The following KATNBL1 variants were observed in gnomAD, a reference collection of about 807,000 sequenced individuals.
KATNBL1 encodes KATNB1-like protein 1.
Under a neutral mutation model 44.7 loss-of-function variants are expected in KATNBL1, and 28 were observed. The ratio of observed to expected loss-of-function variants is 0.63; its 90% confidence interval spans 0.46 to 0.86. The LOEUF is 0.86. KATNBL1 is among the 40% of genes least tolerant of loss of function. The probability of loss-of-function intolerance (pLI) is 0.00; values close to 1 mark genes in which losing one functional copy is unlikely to be tolerated. For missense variants in KATNBL1, 272 were observed against 350.7 expected (o/e 0.78, Z 1.79); for synonymous variants, 78 against 114.9 (o/e 0.68, Z 2.06).
chr15:34,166,521 C>A (rs1054669106), intron 1 of KATNBL1, among the ~76,000 whole-genome samples: 1 of 152,358 alleles, frequency 6.6e-6, no homozygotes, highest in Non-Finnish European at 1.5e-5. Flanking sequence ...CATAGCTGAA[C>A]AAAAGGCAGC....
chr15:34,154,607 A>G, intron 3 of KATNBL1, 37 bp downstream of exon 3: 1 of 1,341,680 alleles, frequency 7.5e-7, no homozygotes. Context: ...CAGCTTTCAT[A>G]TTTGTTGTTC....
intron 1 of KATNBL1, among the ~76,000 whole-genome samples, chr15:34,183,666 G>A (rs1889628780): frequency 6.6e-6 from 1 of 152,128 alleles, no homozygotes; most frequent in Non-Finnish European, 1.5e-5. Context: ...AAAGAGAAAG[G>A]GGAATAAATA....
intron 1 of KATNBL1, among the ~76,000 whole-genome samples, chr15:34,199,232 T>C (rs966362106): frequency 6.6e-6 from 1 of 152,116 alleles, no homozygotes; most frequent in Non-Finnish European, 1.5e-5. Context: ...AGGTCAGGGG[T>C]TTGAGACCAG....
chr15:34,206,088 C>T (rs778965365), intron 1 of KATNBL1, among the ~76,000 whole-genome samples: 2 of 152,082 alleles, frequency 1.3e-5, no homozygotes, highest in Non-Finnish European at 2.9e-5. Context: ...AATCACTTGC[C>T]CAAAAACCCT....
rs76923846 is a variant in KATNBL1 at position 34,144,273 on chromosome 15, C to T, written c.882+1125G>A. ...GCTGAACTTATCTTGGAGTAGAAGC[C>T]AGATTATCCCTCAAGGCTACCTAGG... On this transcript the variant is annotated intron_variant, in intron 9 of 9. Transcript: ENST00000256544. 2.9e-3 allele frequency among the ~76,000 whole-genome samples: 443 copies of T among 151,970 alleles called. 3 individuals carry two copies. Among genetic ancestry groups the T allele is most frequent in the African/African-American group, 0.01 (422 of 41,482 alleles).
chr15:34,146,919 T>C (rs1597423310), intron 7 of KATNBL1, 69 bp from the exon 8 acceptor site: 7 of 994,686 alleles, frequency 7.0e-6, no homozygotes, highest in African/African-American at 1.6e-5. Context: ...AAGATGATAC[T>C]TTCCCTCCCA....
chr15:34,171,824 A>G (rs1251923301), intron 1 of KATNBL1, among the ~76,000 whole-genome samples: 1 of 152,014 alleles, frequency 6.6e-6, no homozygotes, highest in Admixed American at 6.6e-5. Flanking sequence ...TTTTCAGCAA[A>G]CTATCACAAG....
chr15:34,156,508 T>C (rs1238825619), intron 2 of KATNBL1, among the ~76,000 whole-genome samples: 1 of 152,242 alleles, frequency 6.6e-6, no homozygotes, highest in Non-Finnish European at 1.5e-5. Flanking sequence ...AACCAGGCAT[T>C]GGCATTTTGA....
At chr15:34,166,539 T>G (rs1375099792) in intron 1 of KATNBL1, among the ~76,000 whole-genome samples, 3 of 152,220 alleles carry the variant, frequency 2.0e-5, no homozygotes. Context: ...AGCAGAAACT[T>G]CTGCAGACTT....
chr15:34,195,982 C>T (rs1013849812), intron 1 of KATNBL1, among the ~76,000 whole-genome samples: 37 of 151,932 alleles, frequency 2.4e-4, no homozygotes, highest in Non-Finnish European at 8.8e-5. Context: ...TTTTAAACTA[C>T]GTGTGCATGC....
chr15:34,169,417 A>G lies in KATNBL1; in HGVS notation c.-14-5727T>C, dbSNP rs529083847. Among the ~76,000 whole-genome samples the G allele has an allele frequency of 2.0e-5, 3 of 152,352 alleles. No individual in the cohort carries two copies. The South Asian group carries it at 6.2e-4, about 32-fold the overall frequency. ...AGAAGTTCAATTGCTGAATAGACCAATAACAGGCTCTGAAATTGAGGCAAT... is the reference window on the plus strand; with the variant it reads ...AGAAGTTCAATTGCTGAATAGACCAGTAACAGGCTCTGAAATTGAGGCAAT... On this transcript the variant is annotated intron_variant, in intron 1 of 9. Transcript: ENST00000256544.
chr15:34,205,005 T>C (rs1567541515), intron 1 of KATNBL1, among the ~76,000 whole-genome samples: 1 of 151,804 alleles, frequency 6.6e-6, no homozygotes. Context: ...TTTTTTTTTT[T>C]TTCCTTTAAG....
intron 9 of KATNBL1, among the ~76,000 whole-genome samples, chr15:34,143,706 T>C (rs1160259598): frequency 1.3e-5 from 2 of 150,686 alleles, no homozygotes; most frequent in African/African-American, 2.4e-5. Flanking sequence ...TCCCAGCACT[T>C]TGGGAGGCCA....
chr15:34,194,149 C>A (rs906234508), intron 1 of KATNBL1, among the ~76,000 whole-genome samples: 1 of 152,082 alleles, frequency 6.6e-6, no homozygotes, highest in African/African-American at 2.4e-5. Context: ...TCCATATTGG[C>A]CAGGCTGGTC....
chr15:34,196,421 A>C (rs1313913776), intron 1 of KATNBL1, among the ~76,000 whole-genome samples: 1 of 151,662 alleles, frequency 6.6e-6, no homozygotes, highest in Non-Finnish European at 1.5e-5. Context: ...TTGTCTCAAA[A>C]ATAAAATAAA....
At chr15:34,205,416 C>T (rs749428583) in intron 1 of KATNBL1, among the ~76,000 whole-genome samples, 2 of 152,034 alleles carry the variant, frequency 1.3e-5, no homozygotes, top group Non-Finnish European at 2.9e-5. Flanking sequence ...TTAAGTGTAG[C>T]ACAGGGAATG....
intron 2 of KATNBL1, among the ~76,000 whole-genome samples, chr15:34,156,266 G>A (rs181622399): frequency 6.9e-4 from 105 of 152,258 alleles, no homozygotes; most frequent in African/African-American, 2.4e-3. Flanking sequence ...GATGGCCCTC[G>A]GGGGCTAACC....
chr15:34,164,298 AT>A (rs1167693250), intron 1 of KATNBL1, among the ~76,000 whole-genome samples: 3 of 152,256 alleles, frequency 2.0e-5, no homozygotes, highest in Non-Finnish European at 2.9e-5. Flanking sequence ...TAGCCATTTA[AT>A]AAACACACAG....
intron 1 of KATNBL1, among the ~76,000 whole-genome samples, chr15:34,171,102 A>T (rs1239048945): frequency 6.6e-6 from 1 of 152,208 alleles, no homozygotes; most frequent in Non-Finnish European, 1.5e-5. Flanking sequence ...AATTAAACTA[A>T]AGAGCTTCTG....
Sources: allele counts gnomAD v4.1 joint callset (sites outside exome capture counted in the v4.1 genomes callset), GRCh38; gene constraint gnomAD v4.1.1; transcripts MANE v1.5; gene names NCBI Gene and HGNC (gene_info 2026-07-23, HGNC 2026-07-21).